The following STIP1 variants were observed in gnomAD, a reference collection of about 807,000 sequenced individuals.
STIP1 encodes stress-induced-phosphoprotein 1.
In STIP1, 16 loss-of-function variants were observed where a neutral mutation model predicts 77.4. The observed-to-expected ratio is 0.21, with a 90% CI of 0.14 to 0.31. The LOEUF is 0.31. STIP1 is among the 10% of genes least tolerant of loss of function. The pLI, the probability that STIP1 is intolerant of heterozygous loss-of-function variation, is 1.00. For synonymous variants in STIP1, 258 were observed against 246.6 expected, an observed-to-expected ratio of 1.05 and a Z score of -0.44; for missense variants, 524 against 684.8, an observed-to-expected ratio of 0.77 and a Z score of 2.62.
At chr11:64,198,062 C>CGT in intron 8 of STIP1, 88 bp downstream of exon 8, 1 of 1,299,688 alleles carries the variant, frequency 7.7e-7, no homozygotes, top group African/African-American at 1.6e-5. Flanking sequence ...ATGAACTTGA[C>CGT]TTTTTTTTTT....
intron 13 of STIP1, 180 bp from the exon 14 acceptor site, chr11:64,203,874 A>G: frequency 1.2e-6 from 1 of 823,834 alleles, no homozygotes; most frequent in Non-Finnish European, 1.9e-6. Context: ...CGTGGGCTCA[A>G]GAGTAGGACT....
At chr11:64,196,026 A>T in intron 5 of STIP1, 1 of 651,604 alleles carries the variant, frequency 1.5e-6, no homozygotes, top group East Asian at 2.7e-5. Context: ...CACTGTGCCC[A>T]CCTAAAACTA....
At chr11:64,193,589 G>A (rs1204312720) in intron 2 of STIP1, 2 of 397,520 alleles carry the variant, frequency 5.0e-6, no homozygotes, top group Admixed American at 7.6e-5. Flanking sequence ...TTCAAGACCA[G>A]CCTGGCCAAC....
At chr11:64,189,562 C>CT (rs567859659) in intron 1 of STIP1, among the ~76,000 whole-genome samples, 49 of 148,356 alleles carry the variant, frequency 3.3e-4, no homozygotes, top group South Asian at 6.5e-4. Flanking sequence ...AATGTTCAGG[C>CT]TTTTTTTTTT....
At position 64,194,293 on chromosome 11, in the gene STIP1, G is replaced by A. The variant is rs1946123951; in HGVS notation, c.324G>A (p.Leu108=). ...GLKHEANNPQ[L]KEGLQNMEAR... ...AACACGAGGCAAATAACCCTCAACTGAAAGAGGGTTTACAGAATATGGAGG... is the reference window on the plus strand; with the variant it reads ...AACACGAGGCAAATAACCCTCAACTAAAAGAGGGTTTACAGAATATGGAGG... The change falls in exon 3 of 14, where the codon CTG becomes CTA. Residue 108 remains leucine, a synonymous_variant. Transcript: ENST00000305218. The A allele has an allele frequency of 6.2e-7, 1 of 1,614,044 alleles. No homozygotes were observed. Among genetic ancestry groups the A allele is most frequent in the Non-Finnish European group, 8.5e-7 (1 of 1,180,042 alleles).
intron 8 of STIP1, among the ~76,000 whole-genome samples, chr11:64,198,677 G>A: frequency 6.6e-6 from 1 of 151,250 alleles, no homozygotes; most frequent in East Asian, 1.9e-4. Context: ...TAGTGGCTTT[G>A]GTCATCTTAC....
chr11:64,200,075 G>A (rs1946200046), intron 9 of STIP1, 39 bp downstream of exon 9: 8 of 1,613,830 alleles, frequency 5.0e-6, no homozygotes, highest in Middle Eastern at 1.6e-4. Context: ...AGCAGTGCTG[G>A]GTGTGCCTCC....
intron 3 of STIP1, 67 bp from the exon 4 acceptor site, chr11:64,194,412 A>G: frequency 6.2e-7 from 1 of 1,610,806 alleles, no homozygotes; most frequent in Non-Finnish European, 8.5e-7. Context: ...TCAGTCTGGT[A>G]GGGTATGGGA....
In STIP1 at chr11:64,195,721, G is replaced by A; in HGVS notation, c.580G>A (p.Glu194Lys). 6.2e-7 allele frequency: 1 copy of A among 1,614,084 alleles called. No individual in the cohort carries two copies. The change falls in exon 5 of 14, where the codon GAA (glutamate) becomes AAA (lysine). Residue 194 changes from glutamate (E) to lysine (K), a missense_variant. Coordinates refer to ENST00000305218, the MANE Select transcript of STIP1 (RefSeq NM_006819.3). ...CGATCTGGGCAGTATGGATGAGGAG[G>A]AAGAGATTGCAACACCTCCACCACC... ...GVDLGSMDEE[E>K]EIATPPPPPP...
At chr11:64,188,525 ACAC>A (rs1946053955) in intron 1 of STIP1, among the ~76,000 whole-genome samples, 1 of 151,972 alleles carries the variant, frequency 6.6e-6, no homozygotes, top group African/African-American at 2.4e-5. Context: ...GTAGCTGGGC[ACAC>A]CACCACAACT....
chr11:64,203,539 C>T lies in STIP1; in HGVS notation c.1476C>T (p.Asp492=), dbSNP rs969864271. Residue 492 remains aspartate (D), a synonymous_variant, in exon 13 of 14, where the codon GAC becomes GAT. Transcript: ENST00000305218. ...PEDVKRRAMA[D]PEVQQIMSDP... ...ATGTGAAGCGACGAGCCATGGCCGA[C>T]CCTGAGGTGCAGCAGATCATGAGTG... 9.9e-6 allele frequency: 16 copies of T among 1,614,176 alleles called. No homozygotes were observed. Among genetic ancestry groups the T allele is most frequent in the African/African-American group, 4.0e-5 (3 of 75,036 alleles).
Position 64,194,300 on chromosome 11 carries a change from G to A in STIP1, c.331G>A (p.Gly111Ser), listed in dbSNP as rs770260857. Residue 111 changes from glycine to serine, a missense_variant, in exon 3 of 14, where the codon GGT becomes AGT. Coordinates refer to ENST00000305218, the MANE Select transcript of STIP1 (RefSeq NM_006819.3). ...HEANNPQLKE[G>S]LQNMEARLAE... ...GGCAAATAACCCTCAACTGAAAGAG[G>A]GTTTACAGAATATGGAGGCCAGGTT... The A allele has an allele frequency of 3.7e-6, 6 of 1,614,088 alleles. No homozygotes were observed. Among genetic ancestry groups the A allele is most frequent in the Admixed American group, 1.7e-5 (1 of 60,000 alleles).
At chr11:64,190,645 G>A (rs1946082063) in intron 1 of STIP1, among the ~76,000 whole-genome samples, 1 of 152,252 alleles carries the variant, frequency 6.6e-6, no homozygotes, top group African/African-American at 2.4e-5. Flanking sequence ...TTACTGGGTC[G>A]TGGGTGGATA....
At chr11:64,187,742 C>G (rs1946041373) in intron 1 of STIP1, among the ~76,000 whole-genome samples, 1 of 152,174 alleles carries the variant, frequency 6.6e-6, no homozygotes, top group Non-Finnish European at 1.5e-5. Context: ...GTGGCTCAGC[C>G]TGTAATCCCA....
Position 64,186,244 on chromosome 11 carries a change from T to A in STIP1, c.-18T>A, listed in dbSNP as rs1023112598. 5 of 1,505,808 alleles carry A rather than the reference T, an allele frequency of 3.3e-6. No individual in the cohort carries two copies. Among genetic ancestry groups the A allele is most frequent in the Admixed American group, 2.0e-5 (1 of 49,278 alleles). 93.3% of individuals were successfully genotyped at this position (1,505,808 alleles called of 1,614,324 possible). On this transcript the variant is annotated 5_prime_UTR_variant, in exon 1 of 14. Coordinates refer to ENST00000305218, the MANE Select transcript of STIP1 (RefSeq NM_006819.3). ...GCGGACGGATTCGATTCAACGGGGT[T>A]CCGGACCGCGCTGCGCTATGGAGCA... is the stretch of plus-strand genomic sequence containing the variant.
At chr11:64,186,039 C>T, upstream of STIP1, 1 of 1,545,824 alleles carries the variant, frequency 6.5e-7, no homozygotes, top group Non-Finnish European at 8.7e-7. Flanking sequence ...GAATTACTCC[C>T]CGCTGTCCAA....
chr11:64,194,364 T>G, intron 3 of STIP1, 34 bp downstream of exon 3: 7 of 1,611,830 alleles, frequency 4.3e-6, no homozygotes, highest in Non-Finnish European at 5.9e-6. Context: ...TTCTTATTAT[T>G]AATGTGATTA....
chr11:64,193,136 C>A lies in STIP1; in HGVS notation c.68C>A (p.Ala23Asp), dbSNP rs1244683542. The change falls in exon 2 of 14, where the codon GCC becomes GAC. Residue 23 changes from alanine (A) to aspartate (D), a missense_variant. Coordinates refer to ENST00000305218, the MANE Select transcript of STIP1 (RefSeq NM_006819.3). ...CTGAGCGTGGGTAACATCGATGATG[C>A]CTTACAGTGCTACTCCGAAGCTATT... The part of the protein sequence containing the change: ...KALSVGNIDD[A>D]LQCYSEAIKL... 1 of 1,614,062 alleles carries A rather than the reference C, an allele frequency of 6.2e-7. No homozygotes were observed. Among genetic ancestry groups the A allele is most frequent in the African/African-American group, 1.3e-5 (1 of 74,916 alleles).
chr11:64,187,262 C>G (rs1432543453), intron 1 of STIP1, among the ~76,000 whole-genome samples: 1 of 152,070 alleles, frequency 6.6e-6, no homozygotes, highest in African/African-American at 2.4e-5. Flanking sequence ...TGTAATGATT[C>G]ATCGGAAGAA....
Sources: allele counts gnomAD v4.1 joint callset (sites outside exome capture counted in the v4.1 genomes callset), GRCh38; gene constraint gnomAD v4.1.1; transcripts MANE v1.5; gene names NCBI Gene and HGNC (gene_info 2026-07-23, HGNC 2026-07-21).